SDC2: variants seen among roughly 807,000 people sequenced by gnomAD.
The protein encoded by SDC2 is syndecan 2, also known as syndecan-2.
SDC2 carries 13 observed loss-of-function variants against 22.2 expected under a neutral mutation model. The observed-to-expected ratio is 0.59, with a 90% CI of 0.38 to 0.93. The LOEUF (loss-of-function observed/expected upper bound fraction) is 0.93, where lower values mean the gene tolerates loss of function less well. Ranked by LOEUF, SDC2 falls within the 40% of genes least tolerant of loss-of-function variation. The probability of loss-of-function intolerance (pLI) is 0.00; values close to 1 mark genes in which losing one functional copy is unlikely to be tolerated. For missense variants in SDC2, 235 were observed against 246.8 expected, an observed-to-expected ratio of 0.95 and a Z score of 0.32; for synonymous variants, 94 against 92.8, an observed-to-expected ratio of 1.01 and a Z score of -0.07.
intron 1 of SDC2, among the ~76,000 whole-genome samples, chr8:96,504,126 T>C (rs1230283950): frequency 2.0e-5 from 3 of 152,172 alleles, no homozygotes; most frequent in Non-Finnish European, 2.9e-5. Flanking sequence ...CCAAAGTACA[T>C]GTGAAAGTAT....
chr8:96,569,284 C>T (rs1814352622), intron 1 of SDC2, among the ~76,000 whole-genome samples: 1 of 152,228 alleles, frequency 6.6e-6, no homozygotes. Context: ...GTTGGGATTA[C>T]AGGCATGAGC....
rs543382779 is a variant in SDC2, at chr8:96,556,473, A to G, written c.61-37007A>G. Among the ~76,000 whole-genome samples the G allele has an allele frequency of 2.1e-3, 315 of 152,226 alleles. 1 individual carries two copies. Among genetic ancestry groups the G allele is most frequent in the African/African-American group, 6.8e-3 (282 of 41,538 alleles). On this transcript the variant is annotated intron_variant, in intron 1 of 4. Coordinates refer to ENST00000302190, the MANE Select transcript of SDC2 (RefSeq NM_002998.4). ...AGAGCCCTCAGAAATAACGCCGCATATCTACAACTATCTGATCTTTGACAA... is the reference window on the plus strand; with the variant it reads ...AGAGCCCTCAGAAATAACGCCGCATGTCTACAACTATCTGATCTTTGACAA...
intron 1 of SDC2, among the ~76,000 whole-genome samples, chr8:96,535,216 C>T (rs1181641548): frequency 6.6e-6 from 1 of 152,096 alleles, no homozygotes; most frequent in East Asian, 1.9e-4. Flanking sequence ...ACCATGTTGG[C>T]CAGGCTGGTC....
At chr8:96,596,044 A>G (rs149805316) in intron 2 of SDC2, among the ~76,000 whole-genome samples, 1 of 152,348 alleles carries the variant, frequency 6.6e-6, no homozygotes, top group Non-Finnish European at 1.5e-5. Context: ...GAAGCTTTTA[A>G]CTGTGTCAGA....
chr8:96,526,177 G>A (rs1399279730), intron 1 of SDC2, among the ~76,000 whole-genome samples: 1 of 152,158 alleles, frequency 6.6e-6, no homozygotes, highest in African/African-American at 2.4e-5. Context: ...AAGTGGCTTT[G>A]CACCTATGTT....
At chr8:96,501,461 G>T (rs1245680173) in intron 1 of SDC2, among the ~76,000 whole-genome samples, 1 of 151,338 alleles carries the variant, frequency 6.6e-6, no homozygotes, top group Non-Finnish European at 1.5e-5. Flanking sequence ...ACACCACCAC[G>T]CCTGGCTATT....
In SDC2 at chr8:96,553,978, C is replaced by T. The variant is rs180712979; in HGVS notation, c.61-39502C>T. Among the ~76,000 whole-genome samples the T allele has an allele frequency of 4.2e-4, 64 of 151,896 alleles. 2 individuals are homozygous for T. The highest frequency in any genetic ancestry group is 1.3e-3 in the African/African-American group (53 of 41,424). ...TTTGTTTTGGTATTTTTAGTAGAGA[C>T]GGGGTTTCACCATGTTGCCCAGGCT... On this transcript the variant is annotated intron_variant, in intron 1 of 4. Coordinates refer to ENST00000302190, the MANE Select transcript of SDC2 (RefSeq NM_002998.4).
chr8:96,542,657 G>A (rs1416033256), intron 1 of SDC2, among the ~76,000 whole-genome samples: 1 of 152,032 alleles, frequency 6.6e-6, no homozygotes, highest in Non-Finnish European at 1.5e-5. Flanking sequence ...GCTTCCCCCC[G>A]AGAAGACAAG....
At chr8:96,595,831 G>A (rs1019813770) in intron 2 of SDC2, among the ~76,000 whole-genome samples, 1 of 152,184 alleles carries the variant, frequency 6.6e-6, no homozygotes, top group African/African-American at 2.4e-5. Context: ...AGGGTCATTT[G>A]AAGTCCTGAA....
chr8:96,528,914 C>T (rs1813619560), intron 1 of SDC2, among the ~76,000 whole-genome samples: 1 of 152,212 alleles, frequency 6.6e-6, no homozygotes. Flanking sequence ...CATAGTGTGA[C>T]TTTGAACAGG....
At chr8:96,585,888 G>A (rs1814678667) in intron 1 of SDC2, among the ~76,000 whole-genome samples, 1 of 150,690 alleles carries the variant, frequency 6.6e-6, no homozygotes. Flanking sequence ...TGGTTGGTGG[G>A]GGTCGCAGTT....
chr8:96,527,615 C>A (rs909089466), intron 1 of SDC2, among the ~76,000 whole-genome samples: 4 of 152,160 alleles, frequency 2.6e-5, no homozygotes, highest in Admixed American at 6.5e-5. Context: ...GGTCTCATAA[C>A]CTACCAGTCC....
chr8:96,591,546 C>T (rs1814781390), intron 1 of SDC2, among the ~76,000 whole-genome samples: 2 of 152,114 alleles, frequency 1.3e-5, no homozygotes, highest in Non-Finnish European at 2.9e-5. Context: ...GAGTTGTACT[C>T]TGCTGAGGGG....
chr8:96,509,966 G>A (rs563883870), intron 1 of SDC2, among the ~76,000 whole-genome samples: 1 of 152,084 alleles, frequency 6.6e-6, no homozygotes, highest in South Asian at 2.1e-4. Flanking sequence ...GGAAACATTC[G>A]AGAGGTCTTT....
At chr8:96,569,907 C>G (rs147453974) in intron 1 of SDC2, among the ~76,000 whole-genome samples, 2 of 152,036 alleles carry the variant, frequency 1.3e-5, no homozygotes, top group African/African-American at 2.4e-5. Context: ...CACATGTGCT[C>G]TCTGGGAAAG....
chr8:96,589,033 A>G (rs1209066431), intron 1 of SDC2, among the ~76,000 whole-genome samples: 1 of 152,246 alleles, frequency 6.6e-6, no homozygotes, highest in African/African-American at 2.4e-5. Flanking sequence ...GTTTCTGACT[A>G]CATCAAGACT....
chr8:96,517,280 T>C (rs1316076718), intron 1 of SDC2, among the ~76,000 whole-genome samples: 1 of 152,196 alleles, frequency 6.6e-6, no homozygotes, highest in Non-Finnish European at 1.5e-5. Flanking sequence ...ATTCTGTGGG[T>C]TGTCTTTTCA....
chr8:96,533,766 G>C (rs1813705116), intron 1 of SDC2, among the ~76,000 whole-genome samples: 1 of 152,216 alleles, frequency 6.6e-6, no homozygotes, highest in Admixed American at 6.5e-5. Context: ...CTAGACTCAG[G>C]AGCCCAGCTG....
Position 96,494,056 on chromosome 8 carries a change from C to G in SDC2, c.-216C>G. Reference sequence around the variant, plus strand: ...CAGAAACCAACAAGTGAGAGGGCGCCGCGTTCCCGGGGCGCAGCTGCGGGC... The same window carrying G: ...CAGAAACCAACAAGTGAGAGGGCGCGGCGTTCCCGGGGCGCAGCTGCGGGC... On this transcript the variant is annotated 5_prime_UTR_variant, in exon 1 of 5. Coordinates refer to ENST00000302190, the MANE Select transcript of SDC2 (RefSeq NM_002998.4). 1 of 556,098 alleles carries G rather than the reference C, an allele frequency of 1.8e-6. No individual in the cohort carries two copies. The highest frequency in any genetic ancestry group is 3.1e-6 in the Non-Finnish European group (1 of 319,430). 34.4% of individuals were successfully genotyped at this position (556,098 alleles called of 1,614,324 possible).
Sources: allele counts gnomAD v4.1 joint callset (sites outside exome capture counted in the v4.1 genomes callset), GRCh38; gene constraint gnomAD v4.1.1; transcripts MANE v1.5; gene names NCBI Gene and HGNC (gene_info 2026-07-23, HGNC 2026-07-21).